Variants in CADM2 observed in about 807,000 individuals in gnomAD.
CADM2 encodes the protein cell adhesion molecule 2.
In CADM2, 12 loss-of-function variants were observed where a neutral mutation model predicts 49.8. The observed-to-expected ratio is 0.24, with a 90% confidence interval of 0.15 to 0.39. The LOEUF is 0.39. CADM2 is among the 10% of genes least tolerant of loss of function. The pLI is 1.00. For synonymous variants in CADM2, 214 were observed against 175.4 expected (o/e 1.22, Z -1.74); for missense variants, 378 against 492.3 (o/e 0.77, Z 2.20).
At chr3:85,005,690 A>G (rs2033683718) in intron 1 of CADM2, among the ~76,000 whole-genome samples, 1 of 151,702 alleles carries the variant, frequency 6.6e-6, no homozygotes, top group Admixed American at 6.6e-5. Context: ...CTAAGATCTG[A>G]TAAAAAAAAA....
intron 1 of CADM2, among the ~76,000 whole-genome samples, chr3:85,271,873 G>T (rs1240669626): frequency 1.3e-5 from 2 of 150,816 alleles, no homozygotes; most frequent in African/African-American, 2.4e-5. Context: ...AGAAAATAGG[G>T]ATTACTTAAT....
At chr3:84,985,580 C>T (rs990069319) in intron 1 of CADM2, among the ~76,000 whole-genome samples, 14 of 152,162 alleles carry the variant, frequency 9.2e-5, no homozygotes, top group Middle Eastern at 6.8e-3. Flanking sequence ...GAACAAGAAA[C>T]GTGCATTCAT....
chr3:85,912,597 GCA>G lies in CADM2; in HGVS notation c.700+55_700+56del, dbSNP rs749572236. ...ATCTCAGCAGCAAATCTCTTCATCT[GCA>G]TCTAAAATCATTTCAAAACTACCTG... On this transcript the variant is annotated intron_variant, in intron 6 of 9. Coordinates refer to ENST00000383699, the MANE Select transcript of CADM2 (RefSeq NM_001167675.2). 1.2e-3 allele frequency: 1,854 copies of G among 1,523,300 alleles called. 4 individuals are homozygous for G. The highest frequency in any genetic ancestry group is 1.5e-3 in the Non-Finnish European group (1,694 of 1,117,582). The allele number at this position is 1,523,300 out of a possible 1,614,324, so 94.4% of individuals were successfully genotyped here.
intron 8 of CADM2, among the ~76,000 whole-genome samples, chr3:86,039,446 T>C (rs925989312): frequency 1.3e-5 from 2 of 152,198 alleles, no homozygotes; most frequent in Admixed American, 1.3e-4. Flanking sequence ...ATCCCACGCC[T>C]GGCTCAGAGG....
chr3:85,215,946 T>C (rs2041915356), intron 1 of CADM2, among the ~76,000 whole-genome samples: 1 of 152,084 alleles, frequency 6.6e-6, no homozygotes, highest in African/African-American at 2.4e-5. Flanking sequence ...TGCTAGAGAA[T>C]GAGGGAGGAG....
rs72907171 is a variant in CADM2, at chr3:85,162,362, G to A, written c.61+202694G>A. ...TGTAGCGTGCTTACCAATTGTTCCT[G>A]ATCATTATGCAATAAATAATGGCTT... On this transcript the variant is annotated intron_variant, in intron 1 of 9. Coordinates refer to ENST00000383699, the MANE Select transcript of CADM2 (RefSeq NM_001167675.2). Among the ~76,000 whole-genome samples the A allele has an allele frequency of 6.4e-3, 972 of 152,152 alleles. 14 individuals are homozygous for A. The highest frequency in any genetic ancestry group is 0.022 in the African/African-American group (905 of 41,522).
intron 8 of CADM2, among the ~76,000 whole-genome samples, chr3:86,051,858 C>T (rs1444850666): frequency 3.3e-5 from 5 of 152,106 alleles, no homozygotes; most frequent in Non-Finnish European, 7.3e-5. Flanking sequence ...CAAGAGAAAC[C>T]GTTCCCACAA....
chr3:86,036,609 G>A (rs1390878683), intron 8 of CADM2, among the ~76,000 whole-genome samples: 1 of 152,108 alleles, frequency 6.6e-6, no homozygotes, highest in Non-Finnish European at 1.5e-5. Context: ...TAAAGTTGAT[G>A]TCAAATTCTT....
intron 8 of CADM2, among the ~76,000 whole-genome samples, chr3:86,001,174 T>A (rs1296090304): frequency 6.6e-6 from 1 of 152,182 alleles, no homozygotes; most frequent in Non-Finnish European, 1.5e-5. Context: ...GTGTTGCCAT[T>A]CAGTGAGATA....
intron 1 of CADM2, among the ~76,000 whole-genome samples, chr3:85,475,038 A>G (rs977270797): frequency 2.3e-4 from 35 of 151,948 alleles, no homozygotes; most frequent in African/African-American, 8.2e-4. Context: ...GATTAAGAAA[A>G]TAATTTTTCT....
chr3:85,031,592 G>A (rs962404737), intron 1 of CADM2, among the ~76,000 whole-genome samples: 2 of 152,152 alleles, frequency 1.3e-5, no homozygotes, highest in African/African-American at 4.8e-5. Context: ...TCGGCTCACT[G>A]CAAGCTCCGC....
intron 1 of CADM2, among the ~76,000 whole-genome samples, chr3:85,013,738 T>C (rs2034107190): frequency 6.7e-6 from 1 of 149,964 alleles, no homozygotes; most frequent in Non-Finnish European, 1.5e-5. Flanking sequence ...TGGTTTCAGT[T>C]ATTCATGGTC....
At chr3:86,002,602 A>G (rs574640117) in intron 8 of CADM2, among the ~76,000 whole-genome samples, 99 of 152,308 alleles carry the variant, frequency 6.5e-4, no homozygotes, top group African/African-American at 2.3e-3. Flanking sequence ...GAAACTTTCT[A>G]AAATTAAATT....
chr3:85,911,930 A>ATTAT (rs935424188), intron 5 of CADM2, among the ~76,000 whole-genome samples: 2 of 149,946 alleles, frequency 1.3e-5, no homozygotes, highest in African/African-American at 4.9e-5. Context: ...AATTTTTTTT[A>ATTAT]TTATTTATTT....
rs931122832 is a variant in CADM2, at chr3:85,246,637, A to G, written c.61+286969A>G. Among the ~76,000 whole-genome samples, 4 of 151,642 alleles carry G rather than the reference A, an allele frequency of 2.6e-5. 1 individual carries two copies. Among genetic ancestry groups the G allele is most frequent in the African/African-American group, 9.8e-5 (4 of 40,978 alleles). ...TCATTCTAGGAATAGTCTCTTTAAT[A>G]ATTCAGAGTCTGTAAGGAGTTAACC... On this transcript the variant is annotated intron_variant, in intron 1 of 9. Transcript: ENST00000383699.
intron 1 of CADM2, among the ~76,000 whole-genome samples, chr3:85,358,036 C>A (rs1224999502): frequency 6.6e-6 from 1 of 152,194 alleles, no homozygotes; most frequent in East Asian, 1.9e-4. Context: ...ATACTGAAGA[C>A]CAAGTTATAT....
chr3:85,926,729 G>T (rs1339308309), intron 6 of CADM2, among the ~76,000 whole-genome samples: 2 of 151,888 alleles, frequency 1.3e-5, no homozygotes, highest in Admixed American at 1.3e-4. Flanking sequence ...TGAGACAGTG[G>T]GTGTATTTTA....
chr3:85,831,048 TA>T (rs2074163389), intron 3 of CADM2, among the ~76,000 whole-genome samples: 1 of 151,830 alleles, frequency 6.6e-6, no homozygotes, highest in Non-Finnish European at 1.5e-5. Flanking sequence ...TGTTCATGCG[TA>T]CTCAGTGTTT....
intron 1 of CADM2, among the ~76,000 whole-genome samples, chr3:85,244,930 G>T (rs1050637975): frequency 4.6e-5 from 7 of 152,256 alleles, no homozygotes; most frequent in South Asian, 2.1e-4. Flanking sequence ...ACAAAGAAAA[G>T]ATACTGGCTA....
Sources: allele counts gnomAD v4.1 joint callset (sites outside exome capture counted in the v4.1 genomes callset), GRCh38; gene constraint gnomAD v4.1.1; transcripts MANE v1.5; gene names NCBI Gene and HGNC (gene_info 2026-07-23, HGNC 2026-07-21).